COMMD1: variants seen among roughly 807,000 people sequenced by gnomAD.
The protein encoded by COMMD1 is copper metabolism domain containing 1.
COMMD1 carries 10 observed loss-of-function variants against 17.2 expected under a neutral mutation model. The ratio of observed to expected loss-of-function variants is 0.58; its 90% CI spans 0.36 to 0.99. The LOEUF (loss-of-function observed/expected upper bound fraction) is 0.99. Among genes scored for constraint, COMMD1 ranks in the 50% least tolerant of loss-of-function variants. The pLI is 0.01. For missense variants in COMMD1, 270 were observed against 231.8 expected (o/e 1.17, Z -1.07); for synonymous variants, 97 against 91.6 (o/e 1.06, Z -0.34).
At chr2:62,073,335 A>G (rs1469612155) in intron 2 of COMMD1, among the ~76,000 whole-genome samples, 2 of 152,208 alleles carry the variant, frequency 1.3e-5, no homozygotes, top group Non-Finnish European at 2.9e-5. Flanking sequence ...GACATTTACC[A>G]TCATTCTCTC....
At chr2:62,044,513 T>G (rs994261226) in intron 2 of COMMD1, among the ~76,000 whole-genome samples, 1 of 152,234 alleles carries the variant, frequency 6.6e-6, no homozygotes, top group Non-Finnish European at 1.5e-5. Context: ...GAATTTAGAA[T>G]GGTTGAAAAT....
At chr2:61,928,242 G>A (rs553000286) in intron 1 of COMMD1, among the ~76,000 whole-genome samples, 5 of 151,790 alleles carry the variant, frequency 3.3e-5, no homozygotes, top group East Asian at 1.9e-4. Context: ...GGCACATTAC[G>A]ACCTCCGCCT....
chr2:61,958,743 G>T (rs1424521616), intron 1 of COMMD1, among the ~76,000 whole-genome samples: 1 of 151,930 alleles, frequency 6.6e-6, no homozygotes, highest in Non-Finnish European at 1.5e-5. Flanking sequence ...ATATTTTTAT[G>T]TTTCTATAGT....
chr2:62,105,302 C>T (rs1000176176), intron 2 of COMMD1, among the ~76,000 whole-genome samples: 13 of 152,038 alleles, frequency 8.6e-5, no homozygotes, highest in Non-Finnish European at 1.6e-4. Context: ...CTGTCACCTT[C>T]CTTGCCTATA....
chr2:62,054,672 AGAGAGGTG>A (rs772667785), intron 2 of COMMD1, among the ~76,000 whole-genome samples: 14 of 152,154 alleles, frequency 9.2e-5, no homozygotes, highest in Non-Finnish European at 1.8e-4. Flanking sequence ...AGGTGAATGT[AGAGAGGTG>A]GATAGATAAT....
intron 2 of COMMD1, among the ~76,000 whole-genome samples, chr2:62,128,867 G>A (rs188413425): frequency 4.8e-4 from 72 of 151,314 alleles, no homozygotes; most frequent in African/African-American, 1.5e-3. Context: ...CAGGTGAATT[G>A]CTTGAACCTG....
intron 2 of COMMD1, among the ~76,000 whole-genome samples, chr2:62,026,512 T>C (rs766345405): frequency 6.6e-6 from 1 of 152,156 alleles, no homozygotes; most frequent in Admixed American, 6.5e-5. Flanking sequence ...ACCTCCAACA[T>C]TGGAGATTAC....
intron 1 of COMMD1, chr2:61,969,123 T>C: frequency 3.0e-6 from 1 of 337,030 alleles, no homozygotes; most frequent in South Asian, 2.2e-5. Flanking sequence ...CACATCTGGC[T>C]TTTATATGTA....
At chr2:62,030,249 G>A (rs1669878024) in intron 2 of COMMD1, among the ~76,000 whole-genome samples, 2 of 152,170 alleles carry the variant, frequency 1.3e-5, no homozygotes, top group Admixed American at 1.3e-4. Flanking sequence ...GGTATTGTTA[G>A]GCTTTCTGGT....
chr2:61,965,925 A>G (rs1164581895), intron 1 of COMMD1, among the ~76,000 whole-genome samples: 2 of 152,214 alleles, frequency 1.3e-5, no homozygotes, highest in East Asian at 3.9e-4. Flanking sequence ...ATGCAAGTTG[A>G]TTCTATAAAG....
chr2:62,128,599 A>C (rs942963966), intron 2 of COMMD1, among the ~76,000 whole-genome samples: 2 of 151,874 alleles, frequency 1.3e-5, no homozygotes, highest in Admixed American at 6.6e-5. Context: ...TCTTCTGCCT[A>C]CCTCCCTCCC....
At chr2:61,895,540 A>G (rs1235950586) in intron 1 of COMMD1, among the ~76,000 whole-genome samples, 1 of 152,152 alleles carries the variant, frequency 6.6e-6, no homozygotes, top group Non-Finnish European at 1.5e-5. Context: ...CACCAACATC[A>G]GTTTCATAGC....
chr2:61,956,319 A>G (rs1008209000), intron 1 of COMMD1, among the ~76,000 whole-genome samples: 1 of 152,240 alleles, frequency 6.6e-6, no homozygotes, highest in Non-Finnish European at 1.5e-5. Flanking sequence ...ACAGATCTGT[A>G]TCAGACAACT....
intron 2 of COMMD1, among the ~76,000 whole-genome samples, chr2:62,025,498 C>T (rs894868359): frequency 6.6e-6 from 1 of 152,086 alleles, no homozygotes; most frequent in African/African-American, 2.4e-5. Flanking sequence ...CCACTGCATT[C>T]CAGCCTGGGG....
chr2:62,013,872 A>G (rs933159018), intron 2 of COMMD1, among the ~76,000 whole-genome samples: 9 of 152,192 alleles, frequency 5.9e-5, no homozygotes, highest in African/African-American at 2.2e-4. Context: ...ACTTGGGGAA[A>G]AATATGAAAG....
At chr2:61,957,087 C>CGTGTGTGTGTGT (rs10679710) in intron 1 of COMMD1, among the ~76,000 whole-genome samples, 28 of 146,902 alleles carry the variant, frequency 1.9e-4, no homozygotes, top group East Asian at 4.1e-4. Context: ...AAGATGGATG[C>CGTGTGTGTGTGT]GTGTGTGTGT....
chr2:61,958,421 C>A (rs1488899303), intron 1 of COMMD1, among the ~76,000 whole-genome samples: 1 of 152,216 alleles, frequency 6.6e-6, no homozygotes, highest in Middle Eastern at 3.4e-3. Flanking sequence ...CATGTGCCAT[C>A]ACGTCTGGCT....
chr2:62,035,444 G>A (rs1276247590), intron 2 of COMMD1, among the ~76,000 whole-genome samples: 1 of 152,102 alleles, frequency 6.6e-6, no homozygotes, highest in Non-Finnish European at 1.5e-5. Flanking sequence ...AGCAATCAAG[G>A]TAGAATGGTT....
intron 1 of COMMD1, among the ~76,000 whole-genome samples, chr2:61,945,843 A>G (rs1428566510): frequency 1.3e-5 from 2 of 152,246 alleles, no homozygotes; most frequent in South Asian, 2.1e-4. Context: ...GTAGAAAGGA[A>G]TGTCTGGGTT....
Sources: gnomAD v4.1 joint callset for allele counts (sites outside exome capture counted in the v4.1 genomes callset) on GRCh38, gnomAD v4.1.1 for gene constraint, MANE v1.5 for transcripts, NCBI Gene and HGNC (gene_info 2026-07-23, HGNC 2026-07-21) for gene names.